PTPRD: variants seen among roughly 807,000 people sequenced by gnomAD.
PTPRD encodes the protein receptor-type tyrosine-protein phosphatase delta.
Under a neutral mutation model 214.5 loss-of-function variants are expected in PTPRD, and 34 were observed. That is an observed-to-expected ratio of 0.16 (90% CI 0.12 to 0.21). The LOEUF is 0.21. Ranked by LOEUF, PTPRD falls within the 10% of genes least tolerant of loss-of-function variation. The pLI, the probability that PTPRD is intolerant of heterozygous loss-of-function variation, is 1.00. For missense variants in PTPRD, 2,545 were observed against 2,398.7 expected, an observed-to-expected ratio of 1.06 and a Z score of -1.27; for synonymous variants, 1,128 against 845.7, an observed-to-expected ratio of 1.33 and a Z score of -5.79.
At chr9:9,632,180 T>C (rs2095616136) in intron 7 of PTPRD, among the ~76,000 whole-genome samples, 1 of 152,210 alleles carries the variant, frequency 6.6e-6, no homozygotes, top group Non-Finnish European at 1.5e-5. Flanking sequence ...ATGGATAAAC[T>C]GTTGACTATC....
chr9:9,764,057 G>A (rs528077590), intron 6 of PTPRD, among the ~76,000 whole-genome samples: 33 of 152,100 alleles, frequency 2.2e-4, no homozygotes, highest in African/African-American at 7.5e-4. Flanking sequence ...GTAGCATATT[G>A]TGTTAAAATT....
chr9:9,149,984 C>A (rs2099875260), intron 10 of PTPRD, among the ~76,000 whole-genome samples: 1 of 152,106 alleles, frequency 6.6e-6, no homozygotes, highest in South Asian at 2.1e-4. Flanking sequence ...ACATGAAGAC[C>A]CATTTTACAA....
chr9:9,272,600 G>A (rs765854460), intron 9 of PTPRD, among the ~76,000 whole-genome samples: 2 of 151,276 alleles, frequency 1.3e-5, no homozygotes, highest in Non-Finnish European at 3.0e-5. Context: ...GTGGTCCGTT[G>A]ACGAAAAATA....
intron 5 of PTPRD, among the ~76,000 whole-genome samples, chr9:9,791,330 A>C (rs895879176): frequency 6.6e-6 from 1 of 151,836 alleles, no homozygotes; most frequent in Non-Finnish European, 1.5e-5. Context: ...AAGATCATAG[A>C]ATCATGTTTT....
At chr9:9,816,418 C>T (rs149721529) in intron 5 of PTPRD, among the ~76,000 whole-genome samples, 47 of 152,066 alleles carry the variant, frequency 3.1e-4, no homozygotes, top group African/African-American at 1.1e-3. Flanking sequence ...CACAAATAAG[C>T]TATCTAATGC....
intron 3 of PTPRD, among the ~76,000 whole-genome samples, chr9:10,043,948 G>A (rs953815773): frequency 6.6e-6 from 1 of 151,694 alleles, no homozygotes; most frequent in Non-Finnish European, 1.5e-5. Context: ...TCTGATTACT[G>A]GCTATTTTTT....
At chr9:10,154,453 GTTAT>G (rs2154280896) in intron 3 of PTPRD, among the ~76,000 whole-genome samples, 1 of 152,224 alleles carries the variant, frequency 6.6e-6, no homozygotes, top group East Asian at 1.9e-4. Context: ...TTGTGCAGAA[GTTAT>G]TTAGTTTAAT....
intron 9 of PTPRD, among the ~76,000 whole-genome samples, chr9:9,319,996 T>C (rs1011421910): frequency 6.6e-6 from 1 of 152,150 alleles, no homozygotes; most frequent in Non-Finnish European, 1.5e-5. Flanking sequence ...AAAAGGAAAC[T>C]TCCTAAAGAT....
chr9:10,350,074 T>C (rs1484078154), intron 2 of PTPRD, among the ~76,000 whole-genome samples: 3 of 152,218 alleles, frequency 2.0e-5, no homozygotes, highest in Admixed American at 2.0e-4. Context: ...GAAAAGTCTA[T>C]GTGACACTAT....
chr9:10,530,300 T>C (rs1192309386), intron 2 of PTPRD, among the ~76,000 whole-genome samples: 2 of 152,002 alleles, frequency 1.3e-5, no homozygotes, highest in African/African-American at 4.8e-5. Flanking sequence ...GTGGCAAAAA[T>C]AGGAGTGTAC....
At chr9:8,851,119 C>G (rs916589139) in intron 11 of PTPRD, among the ~76,000 whole-genome samples, 1 of 151,548 alleles carries the variant, frequency 6.6e-6, no homozygotes, top group African/African-American at 2.4e-5. Flanking sequence ...TCCATCATTG[C>G]TCTTGAAACC....
At chr9:8,936,572 T>A (rs991950646) in intron 11 of PTPRD, among the ~76,000 whole-genome samples, 1 of 152,160 alleles carries the variant, frequency 6.6e-6, no homozygotes, top group Admixed American at 6.5e-5. Flanking sequence ...AGTTCATCTC[T>A]AAGGCAGCCT....
rs146013109 is a variant in PTPRD at position 8,803,966 on chromosome 9, C to G, written c.-103-70020G>C. Among the ~76,000 whole-genome samples, 606 of 151,830 alleles carry G rather than the reference C, an allele frequency of 4.0e-3. 5 individuals are homozygous for G. Among genetic ancestry groups the G allele is most frequent in the African/African-American group, 0.014 (583 of 41,418 alleles). On this transcript the variant is annotated intron_variant, in intron 11 of 45. Transcript: ENST00000381196. ...AGTCCCTCACTTCTTCCCTCCACCC[C>G]CCCACAGACGGAGTCTCGCTCTGTT...
intron 14 of PTPRD, among the ~76,000 whole-genome samples, chr9:8,536,808 G>C (rs1231990522): frequency 6.6e-6 from 1 of 151,928 alleles, no homozygotes; most frequent in Non-Finnish European, 1.5e-5. Flanking sequence ...TTCGGTTTAT[G>C]GGACTAATAA....
chr9:10,094,172 A>T (rs1316985491), intron 3 of PTPRD, among the ~76,000 whole-genome samples: 1 of 151,476 alleles, frequency 6.6e-6, no homozygotes, highest in Non-Finnish European at 1.5e-5. Context: ...CTTGGTTTTA[A>T]TATTTTACTC....
intron 5 of PTPRD, among the ~76,000 whole-genome samples, chr9:9,823,088 CAGAT>C (rs2051361350): frequency 1.3e-5 from 2 of 151,986 alleles, no homozygotes; most frequent in African/African-American, 4.8e-5. Flanking sequence ...AATGGATGGA[CAGAT>C]AAAGAAAATG....
intron 11 of PTPRD, among the ~76,000 whole-genome samples, chr9:8,841,379 C>G (rs1484949071): frequency 6.6e-6 from 1 of 152,152 alleles, no homozygotes; most frequent in African/African-American, 2.4e-5. Flanking sequence ...TCCTTGCAAT[C>G]AATCACCTCT....
chr9:9,412,950 T>C (rs563813956), intron 8 of PTPRD, among the ~76,000 whole-genome samples: 2 of 152,130 alleles, frequency 1.3e-5, no homozygotes, highest in African/African-American at 2.4e-5. Context: ...TGGAGGGATA[T>C]AGTTTTGGCA....
At chr9:10,431,399 C>A (rs568374794) in intron 2 of PTPRD, among the ~76,000 whole-genome samples, 5 of 151,912 alleles carry the variant, frequency 3.3e-5, no homozygotes, top group African/African-American at 1.2e-4. Context: ...TCTAAAACAC[C>A]AAAAGCAATG....
Sources: allele counts gnomAD v4.1 joint callset (sites outside exome capture counted in the v4.1 genomes callset), GRCh38; gene constraint gnomAD v4.1.1; transcripts MANE v1.5; gene names NCBI Gene and HGNC (gene_info 2026-07-23, HGNC 2026-07-21).